Variants in AGBL4 observed in about 807,000 individuals in gnomAD.
The protein encoded by AGBL4 is AGBL carboxypeptidase 4.
In AGBL4, 58 loss-of-function variants were observed where a neutral mutation model predicts 66.4. The ratio of observed to expected loss-of-function variants is 0.87; its 90% CI spans 0.71 to 1.09. The LOEUF is 1.09. AGBL4 is among the 50% of genes least tolerant of loss of function. The probability of loss-of-function intolerance (pLI) is 0.00; values close to 1 mark genes in which losing one functional copy is unlikely to be tolerated. For missense variants in AGBL4, 579 were observed against 631.0 expected (o/e 0.92, Z 0.88); for synonymous variants, 234 against 222.9 (o/e 1.05, Z -0.44).
chr1:49,484,647 A>G (rs777501621), intron 3 of AGBL4, among the ~76,000 whole-genome samples: 4 of 151,928 alleles, frequency 2.6e-5, no homozygotes, highest in South Asian at 4.1e-4. Flanking sequence ...GATTGGTACA[A>G]ATAATTAGAA....
intron 6 of AGBL4, among the ~76,000 whole-genome samples, chr1:48,729,099 T>C (rs1002765254): frequency 6.6e-6 from 1 of 151,960 alleles, no homozygotes; most frequent in Non-Finnish European, 1.5e-5. Flanking sequence ...GATAACAAAC[T>C]ACAGAGCATT....
chr1:48,993,281 T>C (rs1660748929), intron 5 of AGBL4, among the ~76,000 whole-genome samples: 1 of 152,172 alleles, frequency 6.6e-6, no homozygotes, highest in Admixed American at 6.5e-5. Flanking sequence ...AAATGTCATC[T>C]GGGCACTAAA....
rs570159692 is a variant in AGBL4 at position 49,977,525 on chromosome 1, G to C, written c.34+46238C>G. On this transcript the variant is annotated intron_variant, in intron 1 of 13. Transcript: ENST00000371839. ...ACTGAAGGACCAGACGGTATGTGAG[G>C]ACAGCATTTCCTTTTTTATGGCTCC... Among the ~76,000 whole-genome samples the C allele has an allele frequency of 2.0e-5, 3 of 152,218 alleles. No homozygotes were observed. In the South Asian group the frequency reaches 6.2e-4, roughly 32 times the overall value.
At chr1:49,643,638 T>C (rs1431841563) in intron 3 of AGBL4, among the ~76,000 whole-genome samples, 2 of 151,732 alleles carry the variant, frequency 1.3e-5, no homozygotes, top group Admixed American at 6.6e-5. Flanking sequence ...AGCAAACTGC[T>C]GGTTGAAAAC....
At chr1:49,933,191 T>C (rs917860214) in intron 1 of AGBL4, among the ~76,000 whole-genome samples, 5 of 152,062 alleles carry the variant, frequency 3.3e-5, no homozygotes, top group Non-Finnish European at 5.9e-5. Context: ...CAAATAGTAA[T>C]GTACAAGTGA....
chr1:48,818,353 C>A (rs1321611575), intron 6 of AGBL4: 3 of 693,510 alleles, frequency 4.3e-6, no homozygotes, highest in Non-Finnish European at 5.4e-6. Flanking sequence ...GGGAGCCATA[C>A]ATGAAACATT....
chr1:48,763,214 A>T (rs1162554546), intron 6 of AGBL4, among the ~76,000 whole-genome samples: 2 of 152,224 alleles, frequency 1.3e-5, no homozygotes, highest in Admixed American at 1.3e-4. Context: ...ACCCCTACTG[A>T]TGAAAACGGC....
intron 6 of AGBL4, among the ~76,000 whole-genome samples, chr1:48,726,165 C>A (rs1328648629): frequency 6.6e-6 from 1 of 152,198 alleles, no homozygotes; most frequent in Non-Finnish European, 1.5e-5. Context: ...ACGCAAAGCA[C>A]TTTCAAAAAT....
At chr1:49,048,290 G>C (rs1644129437) in intron 4 of AGBL4, 2 of 152,100 alleles carry the variant, frequency 1.3e-5, no homozygotes, top group African/African-American at 4.8e-5. Flanking sequence ...TGTGACCACA[G>C]TTTTCTCCTC....
chr1:48,618,015 T>G (rs1156822330), intron 9 of AGBL4, among the ~76,000 whole-genome samples: 1 of 152,210 alleles, frequency 6.6e-6, no homozygotes, highest in Non-Finnish European at 1.5e-5. Flanking sequence ...GATTCAATAC[T>G]GACTCTGTCT....
At chr1:49,472,637 T>A (rs1038802736) in intron 3 of AGBL4, among the ~76,000 whole-genome samples, 1 of 151,998 alleles carries the variant, frequency 6.6e-6, no homozygotes, top group African/African-American at 2.4e-5. Context: ...TGTGTTTTGC[T>A]TTGTTTTGTT....
At chr1:49,738,620 T>A (rs1650116257) in intron 2 of AGBL4, among the ~76,000 whole-genome samples, 1 of 152,022 alleles carries the variant, frequency 6.6e-6, no homozygotes, top group Non-Finnish European at 1.5e-5. Context: ...AAGTGGGTCC[T>A]TGACCCCCAA....
intron 4 of AGBL4, among the ~76,000 whole-genome samples, chr1:49,219,674 C>T (rs944595843): frequency 6.6e-6 from 1 of 152,170 alleles, no homozygotes; most frequent in Non-Finnish European, 1.5e-5. Context: ...CTGAGAAAAG[C>T]TTATAGATGT....
chr1:48,929,315 T>G (rs1456635962), intron 5 of AGBL4, among the ~76,000 whole-genome samples: 1 of 152,148 alleles, frequency 6.6e-6, no homozygotes, highest in Non-Finnish European at 1.5e-5. Context: ...CCCCTCAATA[T>G]CTTTGCTTCA....
chr1:49,742,892 A>C (rs1650641329), intron 2 of AGBL4, among the ~76,000 whole-genome samples: 2 of 152,228 alleles, frequency 1.3e-5, no homozygotes, highest in African/African-American at 4.8e-5. Context: ...ACTTTATACA[A>C]AAATTAATTC....
intron 2 of AGBL4, chr1:49,845,300 A>G (rs1189455123): frequency 5.8e-6 from 9 of 1,557,074 alleles, no homozygotes; most frequent in African/African-American, 1.4e-5. Flanking sequence ...ATCCAGCACC[A>G]GAGAACTCAC....
In AGBL4 at chr1:48,997,408, T is replaced by C. The variant is rs577891789; in HGVS notation, c.594+48176A>G. 3.3e-5 allele frequency among the ~76,000 whole-genome samples: 5 copies of C among 152,346 alleles called. No individual in the cohort carries two copies. The East Asian group carries it at 7.7e-4, about 24-fold the overall frequency. The stretch of plus-strand genomic sequence containing the variant: ...ATGAATTTTCAGGTAGTTGTTATCA[T>C]ATGGCTTCTTTTTTCTCTTTTAAGA... On this transcript the variant is annotated intron_variant, in intron 5 of 13. Coordinates refer to ENST00000371839, the MANE Select transcript of AGBL4 (RefSeq NM_032785.4).
At chr1:48,748,723 C>T (rs1042834663) in intron 6 of AGBL4, among the ~76,000 whole-genome samples, 7 of 152,004 alleles carry the variant, frequency 4.6e-5, no homozygotes, top group Admixed American at 4.6e-4. Context: ...AGGGGGAGAT[C>T]ACTGCCGGTT....
chr1:49,200,015 C>T (rs1016238971), intron 4 of AGBL4, among the ~76,000 whole-genome samples: 3 of 152,154 alleles, frequency 2.0e-5, no homozygotes, highest in Non-Finnish European at 4.4e-5. Context: ...GCTAAAAAAG[C>T]AGCCTCCTTA....
Sources: gnomAD v4.1 joint callset for allele counts (sites outside exome capture counted in the v4.1 genomes callset) on GRCh38, gnomAD v4.1.1 for gene constraint, MANE v1.5 for transcripts, NCBI Gene and HGNC (gene_info 2026-07-23, HGNC 2026-07-21) for gene names.